SORCS3: variants seen among roughly 807,000 people sequenced by gnomAD.
SORCS3 encodes VPS10 domain-containing receptor SorCS3.
SORCS3 carries 57 observed loss-of-function variants against 146.3 expected under a neutral mutation model. The observed-to-expected ratio is 0.39, with a 90% CI of 0.31 to 0.49. SORCS3 has a LOEUF of 0.49. Among genes scored for constraint, SORCS3 ranks in the 20% least tolerant of loss-of-function variants. The pLI, the probability that SORCS3 is intolerant of heterozygous loss-of-function variation, is 0.92. For synonymous variants in SORCS3, 653 were observed against 618.5 expected, an observed-to-expected ratio of 1.06 and a Z score of -0.83; for missense variants, 1,341 against 1,575.5, an observed-to-expected ratio of 0.85 and a Z score of 2.52.
At chr10:104,838,293 C>T (rs578098499) in intron 1 of SORCS3, among the ~76,000 whole-genome samples, 171 of 152,162 alleles carry the variant, frequency 1.1e-3, no homozygotes, top group African/African-American at 4.0e-3. Flanking sequence ...CTTTCTGGTC[C>T]GAGTACTTGC....
chr10:105,229,656 T>C (rs770897513), intron 20 of SORCS3, among the ~76,000 whole-genome samples: 1 of 152,178 alleles, frequency 6.6e-6, no homozygotes, highest in Non-Finnish European at 1.5e-5. Flanking sequence ...CCTTGCTGGA[T>C]TGGAGGCAGT....
At chr10:104,864,149 A>G (rs1014061476) in intron 2 of SORCS3, among the ~76,000 whole-genome samples, 14 of 152,342 alleles carry the variant, frequency 9.2e-5, no homozygotes, top group East Asian at 1.9e-4. Context: ...TGAGCTGAAT[A>G]TGATACTTTG....
At chr10:105,216,368 A>G (rs2056664985) in intron 18 of SORCS3, among the ~76,000 whole-genome samples, 1 of 152,160 alleles carries the variant, frequency 6.6e-6, no homozygotes, top group South Asian at 2.1e-4. Context: ...AGGAGCAATT[A>G]CAACTATAGC....
At chr10:105,187,283 T>C (rs1356398091) in intron 14 of SORCS3, among the ~76,000 whole-genome samples, 1 of 152,168 alleles carries the variant, frequency 6.6e-6, no homozygotes, top group African/African-American at 2.4e-5. Context: ...TGCCAATCAT[T>C]GTATTGTGTA....
chr10:105,091,260 CTT>C, intron 6 of SORCS3, among the ~76,000 whole-genome samples: 1 of 103,660 alleles, frequency 9.6e-6, no homozygotes, highest in African/African-American at 3.7e-5. Flanking sequence ...TCCCTCCTTC[CTT>C]CCTTCCCTCC....
At chr10:105,192,339 G>A (rs530810516) in intron 14 of SORCS3, among the ~76,000 whole-genome samples, 2 of 152,076 alleles carry the variant, frequency 1.3e-5, no homozygotes, top group African/African-American at 4.8e-5. Flanking sequence ...CAAGGTGTGG[G>A]GTAAGCCATC....
intron 1 of SORCS3, among the ~76,000 whole-genome samples, chr10:104,755,008 T>A (rs1471763372): frequency 6.6e-6 from 1 of 152,182 alleles, no homozygotes; most frequent in Non-Finnish European, 1.5e-5. Context: ...AAAGGTGCAA[T>A]TGAAATAACC....
intron 5 of SORCS3, among the ~76,000 whole-genome samples, chr10:105,083,081 C>T (rs1016929489): frequency 6.6e-6 from 1 of 152,164 alleles, no homozygotes; most frequent in South Asian, 2.1e-4. Flanking sequence ...TAAATTCATA[C>T]CTGATCTTCA....
At chr10:104,728,615 G>A (rs2133451280) in intron 1 of SORCS3, among the ~76,000 whole-genome samples, 1 of 152,298 alleles carries the variant, frequency 6.6e-6, no homozygotes, top group Admixed American at 6.5e-5. Flanking sequence ...AAGCTGGGAT[G>A]AATCCTGCCT....
At chr10:104,999,623 G>T (rs2055048872) in intron 4 of SORCS3, among the ~76,000 whole-genome samples, 1 of 151,718 alleles carries the variant, frequency 6.6e-6, no homozygotes, top group African/African-American at 2.4e-5. Flanking sequence ...AGCATCTCTT[G>T]CTCCACAGGA....
At chr10:104,682,488 A>G (rs767274802) in intron 1 of SORCS3, among the ~76,000 whole-genome samples, 13 of 152,234 alleles carry the variant, frequency 8.5e-5, no homozygotes, top group Non-Finnish European at 1.2e-4. Flanking sequence ...CCTGAACCTT[A>G]TAAGTCCTCA....
At chr10:104,992,995 TG>T in intron 4 of SORCS3, among the ~76,000 whole-genome samples, 1 of 152,118 alleles carries the variant, frequency 6.6e-6, no homozygotes, top group Non-Finnish European at 1.5e-5. Context: ...ATTATGGGGC[TG>T]GAAAGAAAGG....
chr10:105,241,310 G>A (rs2056821606), intron 20 of SORCS3, among the ~76,000 whole-genome samples: 2 of 152,194 alleles, frequency 1.3e-5, no homozygotes, highest in South Asian at 2.1e-4. Flanking sequence ...TGACACAGGA[G>A]CAAGCTCCAT....
intron 7 of SORCS3, among the ~76,000 whole-genome samples, chr10:105,133,217 G>A (rs952855145): frequency 2.6e-5 from 4 of 152,226 alleles, no homozygotes; most frequent in Admixed American, 2.6e-4. Context: ...GACCATCCAG[G>A]AACCAGGCAG....
chr10:104,816,159 G>A (rs1042136686), intron 1 of SORCS3, among the ~76,000 whole-genome samples: 1 of 152,198 alleles, frequency 6.6e-6, no homozygotes, highest in Non-Finnish European at 1.5e-5. Flanking sequence ...CTGCCAGAAT[G>A]CTCCCTGGCA....
At chr10:105,233,263 T>C (rs1345085215) in intron 20 of SORCS3, among the ~76,000 whole-genome samples, 2 of 152,168 alleles carry the variant, frequency 1.3e-5, no homozygotes, top group Admixed American at 6.5e-5. Flanking sequence ...GTCTCTTGCC[T>C]CTTCTCTCAC....
At chr10:105,207,471 G>A (rs190860519) in intron 16 of SORCS3, among the ~76,000 whole-genome samples, 3 of 152,184 alleles carry the variant, frequency 2.0e-5, no homozygotes, top group African/African-American at 7.2e-5. Context: ...ATGTGTGTGT[G>A]TTTGCAGAAT....
intron 5 of SORCS3, among the ~76,000 whole-genome samples, chr10:105,056,452 A>G (rs1010822673): frequency 6.6e-6 from 1 of 152,202 alleles, no homozygotes; most frequent in Non-Finnish European, 1.5e-5. Context: ...AGGGATATAG[A>G]CCAGATTCAG....
At chr10:104,977,624 AT>A (rs1277113394) in intron 4 of SORCS3, 131 bp downstream of exon 4, 2 of 840,432 alleles carry the variant, frequency 2.4e-6, no homozygotes, top group Non-Finnish European at 3.4e-6. Flanking sequence ...TCATTTCATC[AT>A]TGATTTTGTC....
Sources: allele counts gnomAD v4.1 joint callset (sites outside exome capture counted in the v4.1 genomes callset), GRCh38; gene constraint gnomAD v4.1.1; transcripts MANE v1.5; gene names NCBI Gene and HGNC (gene_info 2026-07-23, HGNC 2026-07-21).